Variants in DCAF8L2 observed in about 807,000 individuals in gnomAD.
DCAF8L2 encodes the protein DDB1 and CUL4 associated factor 8 like 2, also known as DDB1- and CUL4-associated factor 8-like protein 2.
For missense variants in DCAF8L2, 430 were observed against 490.7 expected (o/e 0.88, Z 1.17); for synonymous variants, 200 against 190.9 (o/e 1.05, Z -0.39).
At chrX:27,690,834 C>T (rs1555928475) in intron 3 of DCAF8L2, among the ~76,000 whole-genome samples, 1 of 111,301 alleles carries the variant, frequency 9.0e-6, no homozygotes, top group African/African-American at 3.3e-5. Flanking sequence ...TCAATTGAAT[C>T]GACACAAAAA....
At chrX:27,686,615 T>A (rs768782260) in intron 3 of DCAF8L2, among the ~76,000 whole-genome samples, 4 of 111,286 alleles carry the variant, frequency 3.6e-5, no homozygotes, top group Non-Finnish European at 7.5e-5. Context: ...TTAATGGCCA[T>A]AAATGTACAC....
At chrX:27,623,006 C>T (rs1435489318) in intron 1 of DCAF8L2, among the ~76,000 whole-genome samples, 1 of 111,821 alleles carries the variant, frequency 8.9e-6, no homozygotes, top group Non-Finnish European at 1.9e-5. Context: ...TGGAATTGCT[C>T]CAATTATAAG....
At chrX:27,640,785 T>C (rs1323706681) in intron 2 of DCAF8L2, among the ~76,000 whole-genome samples, 1 of 105,996 alleles carries the variant, frequency 9.4e-6, no homozygotes, top group African/African-American at 3.5e-5. Flanking sequence ...CTTTTTAATA[T>C]GTAGTGGTAT....
At chrX:27,658,629 A>G (rs758465984) in intron 2 of DCAF8L2, among the ~76,000 whole-genome samples, 1 of 112,261 alleles carries the variant, frequency 8.9e-6, no homozygotes, top group South Asian at 3.7e-4. Flanking sequence ...AACTGAGAGC[A>G]TGGCTGAGTG....
chrX:27,591,177 T>C (rs1926075330), intron 1 of DCAF8L2, among the ~76,000 whole-genome samples: 2 of 109,152 alleles, frequency 1.8e-5, no homozygotes, highest in South Asian at 4.0e-4. Flanking sequence ...TTAATTCAAA[T>C]AGGAAAAGAA....
At chrX:27,578,548 T>C in the DCAF8L2 span, among the ~76,000 whole-genome samples, 4 of 111,260 alleles carry the variant, frequency 3.6e-5, no homozygotes, top group African/African-American at 1.3e-4. Flanking sequence ...AAGCCAAAAT[T>C]GACAAGTGGG....
chrX:27,490,411 C>G, the DCAF8L2 span, among the ~76,000 whole-genome samples: 3 of 110,682 alleles, frequency 2.7e-5, no homozygotes. Flanking sequence ...AGTGGTGAAA[C>G]CTGGGATTTT....
intron 3 of DCAF8L2, among the ~76,000 whole-genome samples, chrX:27,696,828 G>A (rs2055064): frequency 0.1 from 11,335 of 111,066 alleles, 618 homozygotes; most frequent in East Asian, 0.35. Context: ...GGGCAGCCTA[G>A]ACAAAAAACA....
At chrX:27,663,531 CCA>C (rs1929628988) in intron 2 of DCAF8L2, among the ~76,000 whole-genome samples, 2 of 110,406 alleles carry the variant, frequency 1.8e-5, no homozygotes, top group African/African-American at 6.6e-5. Context: ...CTTTGGAGTG[CCA>C]CACACAACAA....
chrX:27,623,804 G>T (rs1927892944), intron 1 of DCAF8L2, among the ~76,000 whole-genome samples: 1 of 111,389 alleles, frequency 9.0e-6, no homozygotes, highest in African/African-American at 3.3e-5. Flanking sequence ...GAAAGAATTA[G>T]ATTTCCTTTC....
At chrX:27,577,089 T>A in the DCAF8L2 span, among the ~76,000 whole-genome samples, 2 of 112,099 alleles carry the variant, frequency 1.8e-5, no homozygotes, top group African/African-American at 6.5e-5. Context: ...ACTCCCAGGA[T>A]ATTTCAGGGT....
At chrX:27,644,595 A>AG (rs1489418541) in intron 2 of DCAF8L2, among the ~76,000 whole-genome samples, 4 of 111,068 alleles carry the variant, frequency 3.6e-5, no homozygotes, top group Admixed American at 1.9e-4. Context: ...CAGGAAGCTA[A>AG]GGGGAAGCCA....
chrX:27,582,145 A>G, the DCAF8L2 span, among the ~76,000 whole-genome samples: 1 of 111,841 alleles, frequency 8.9e-6, no homozygotes, highest in Non-Finnish European at 1.9e-5. Context: ...TGAAGAATCA[A>G]TTATATTTTT....
At chrX:27,614,400 C>T (rs753781803) in intron 1 of DCAF8L2, among the ~76,000 whole-genome samples, 1 of 110,757 alleles carries the variant, frequency 9.0e-6, no homozygotes, top group African/African-American at 3.3e-5. Context: ...TTTCAAAATA[C>T]CAGCTTCTGG....
intron 3 of DCAF8L2, among the ~76,000 whole-genome samples, chrX:27,688,641 A>T (rs1930597490): frequency 8.9e-6 from 1 of 111,772 alleles, no homozygotes; most frequent in South Asian, 3.7e-4. Flanking sequence ...TTGTCTAACA[A>T]TAACAAAAAA....
At position 27,732,898 on chromosome X, in the gene DCAF8L2, G is replaced by T. The variant is rs767017729; in HGVS notation, c.-58-13940G>T. Among the ~76,000 whole-genome samples the T allele has an allele frequency of 1.1e-4, 12 of 110,906 alleles. No individual in the cohort carries two copies. The East Asian group carries it at 3.1e-3, about 29-fold the overall frequency. Reference sequence around the variant, plus strand: ...TTTTGAGAAGGAGTCTCGCTCTGTTGCCCAGGCTGGAGTGTAGTGTGCAAC... The same window carrying T: ...TTTTGAGAAGGAGTCTCGCTCTGTTTCCCAGGCTGGAGTGTAGTGTGCAAC... On this transcript the variant is annotated intron_variant, in intron 4 of 4. Coordinates refer to ENST00000451261, the MANE Select transcript of DCAF8L2 (RefSeq NM_001353450.2).
chrX:27,517,788 T>C, the DCAF8L2 span: 1 of 1,131,238 alleles, frequency 8.8e-7, no homozygotes, highest in Admixed American at 2.2e-5. Flanking sequence ...AACTCATCGA[T>C]ACACAGGTTT....
the DCAF8L2 span, among the ~76,000 whole-genome samples, chrX:27,469,118 A>G: frequency 8.9e-6 from 1 of 112,043 alleles, no homozygotes; most frequent in African/African-American, 3.2e-5. Flanking sequence ...CTCACACCTC[A>G]TGAATTAAGC....
At chrX:27,511,247 A>G in the DCAF8L2 span, among the ~76,000 whole-genome samples, 1 of 111,296 alleles carries the variant, frequency 9.0e-6, no homozygotes, top group Admixed American at 9.7e-5. Flanking sequence ...AGGGAAAGCT[A>G]GGCAATTTAA....
Sources: allele counts gnomAD v4.1 joint callset (sites outside exome capture counted in the v4.1 genomes callset), GRCh38; gene constraint gnomAD v4.1.1; transcripts MANE v1.5; gene names NCBI Gene and HGNC (gene_info 2026-07-23, HGNC 2026-07-21).